The following TCF12 variants were observed in gnomAD, a reference collection of about 807,000 sequenced individuals.
TCF12 encodes DNA-binding protein HTF4.
Under a neutral mutation model 86.0 loss-of-function variants are expected in TCF12, and 45 were observed. The observed-to-expected ratio is 0.52, with a 90% CI of 0.41 to 0.67. The LOEUF (loss-of-function observed/expected upper bound fraction) is 0.67. TCF12 is among the 30% of genes least tolerant of loss of function. TCF12 has a pLI of 0.00. For synonymous variants in TCF12, 330 were observed against 299.6 expected (o/e 1.10, Z -1.05); for missense variants, 881 against 859.9 (o/e 1.02, Z -0.31).
At chr15:57,173,807 G>A (rs1416301006) in intron 6 of TCF12, among the ~76,000 whole-genome samples, 4 of 151,300 alleles carry the variant, frequency 2.6e-5, no homozygotes, top group East Asian at 1.9e-4. Flanking sequence ...TCCCAGGTTC[G>A]AGTGATTCTC....
intron 3 of TCF12, among the ~76,000 whole-genome samples, chr15:56,973,169 G>T (rs1287333148): frequency 2.0e-5 from 3 of 151,904 alleles, no homozygotes; most frequent in Non-Finnish European, 2.9e-5. Context: ...TTTCCCTCCC[G>T]CCTCCCTCCC....
At chr15:56,940,967 A>T (rs1403189993) in intron 3 of TCF12, among the ~76,000 whole-genome samples, 3 of 142,444 alleles carry the variant, frequency 2.1e-5, no homozygotes, top group Admixed American at 1.4e-4. Context: ...CACTATGTTG[A>T]CCAGGCTGGT....
intron 5 of TCF12, among the ~76,000 whole-genome samples, chr15:57,148,805 G>C (rs1421709530): frequency 6.6e-6 from 1 of 151,984 alleles, no homozygotes; most frequent in Admixed American, 6.6e-5. Flanking sequence ...TGAGCCTGGA[G>C]GTAGAGGTTG....
At chr15:57,277,133 C>G (rs1291441290) in intron 19 of TCF12, among the ~76,000 whole-genome samples, 1 of 152,032 alleles carries the variant, frequency 6.6e-6, no homozygotes, top group Non-Finnish European at 1.5e-5. Flanking sequence ...CTATACCTTG[C>G]CAGACAATTA....
intron 5 of TCF12, among the ~76,000 whole-genome samples, chr15:57,121,126 A>G (rs1279415055): frequency 6.6e-6 from 1 of 152,236 alleles, no homozygotes; most frequent in Non-Finnish European, 1.5e-5. Flanking sequence ...TGGAGCTGAC[A>G]TACATTCCAG....
At chr15:57,107,557 T>C (rs1311467949) in intron 5 of TCF12, among the ~76,000 whole-genome samples, 1 of 152,020 alleles carries the variant, frequency 6.6e-6, no homozygotes, top group Non-Finnish European at 1.5e-5. Flanking sequence ...AACCCTAATG[T>C]AAACTATGAA....
chr15:57,073,441 CAATGA>C (rs1330481911), intron 4 of TCF12, among the ~76,000 whole-genome samples: 3 of 152,106 alleles, frequency 2.0e-5, no homozygotes, highest in Non-Finnish European at 4.4e-5. Context: ...AAATTAATAA[CAATGA>C]AATCATAACC....
At chr15:57,218,611 TGTTTA>T (rs142959099) in intron 8 of TCF12, among the ~76,000 whole-genome samples, 2,073 of 152,310 alleles carry the variant, frequency 0.014, 50 homozygotes, top group African/African-American at 0.043. Context: ...TATAGGAAAC[TGTTTA>T]GTTTATTCTC....
At chr15:56,971,893 T>TAGATTAG (rs2062351221) in intron 3 of TCF12, among the ~76,000 whole-genome samples, 1 of 151,834 alleles carries the variant, frequency 6.6e-6, no homozygotes, top group Non-Finnish European at 1.5e-5. Flanking sequence ...TTACCTAGAG[T>TAGATTAG]TGGGTAGCGG....
intron 5 of TCF12, among the ~76,000 whole-genome samples, chr15:57,106,753 G>A (rs1490603926): frequency 6.6e-6 from 1 of 152,074 alleles, no homozygotes; most frequent in African/African-American, 2.4e-5. Flanking sequence ...TTAAGAAATG[G>A]GCAAAAGACC....
intron 19 of TCF12, chr15:57,282,138 G>A (rs149048595): frequency 2.6e-6 from 1 of 384,582 alleles, no homozygotes; most frequent in Non-Finnish European, 4.8e-6. Flanking sequence ...GAAGAGACTT[G>A]GTAGCCTAAT....
Position 57,277,061 on chromosome 15 carries a change from C to T in TCF12, c.1978+3799C>T, listed in dbSNP as rs565682290. Among the ~76,000 whole-genome samples the T allele has an allele frequency of 2.0e-5, 3 of 152,236 alleles. No homozygotes were observed. The East Asian group carries it at 5.8e-4, about 29-fold the overall frequency. Reference sequence around the variant, plus strand: ...CCTCAGGTGATCCGCCTACCTCAGCCTCTCAAAGTGCTGAGATCACAGACG... The same window carrying T: ...CCTCAGGTGATCCGCCTACCTCAGCTTCTCAAAGTGCTGAGATCACAGACG... On this transcript the variant is annotated intron_variant, in intron 19 of 20. Coordinates refer to ENST00000333725, the MANE Select transcript of TCF12 (RefSeq NM_207037.2).
intron 3 of TCF12, among the ~76,000 whole-genome samples, chr15:57,062,570 C>A (rs1332890434): frequency 6.6e-6 from 1 of 152,108 alleles, no homozygotes; most frequent in Admixed American, 6.5e-5. Context: ...ACTGACCCCT[C>A]CCCCTTCCCT....
At chr15:56,940,791 T>C (rs1342470709) in intron 3 of TCF12, among the ~76,000 whole-genome samples, 3 of 143,420 alleles carry the variant, frequency 2.1e-5, no homozygotes, top group Non-Finnish European at 4.5e-5. Flanking sequence ...GGTCTAACTC[T>C]GTTGCCCAGG....
At chr15:56,919,606 A>C in intron 1 of TCF12, 4 of 222,410 alleles carry the variant, frequency 1.8e-5, no homozygotes, top group East Asian at 8.2e-5. Flanking sequence ...GGGGGCGCCG[A>C]GGAGGTGGCA....
intron 12 of TCF12, among the ~76,000 whole-genome samples, chr15:57,236,762 G>A (rs896964901): frequency 1.3e-5 from 2 of 151,324 alleles, no homozygotes; most frequent in Non-Finnish European, 2.9e-5. Context: ...TCTCAGGATA[G>A]CAAGAAAGAG....
At chr15:56,931,987 A>G (rs12442839) in intron 3 of TCF12, among the ~76,000 whole-genome samples, 6,142 of 152,288 alleles carry the variant, frequency 0.04, 374 homozygotes, top group Admixed American at 0.17. Context: ...CTGCAGGAAC[A>G]CAAAACATGC....
chr15:57,053,048 A>G (rs969789179), intron 3 of TCF12, among the ~76,000 whole-genome samples: 2 of 152,134 alleles, frequency 1.3e-5, no homozygotes, highest in East Asian at 3.9e-4. Context: ...CATCTTCTTA[A>G]TAGCAGCTAT....
chr15:57,276,750 C>G (rs2061414171), intron 19 of TCF12, among the ~76,000 whole-genome samples: 1 of 150,560 alleles, frequency 6.6e-6, no homozygotes, highest in Non-Finnish European at 1.5e-5. Flanking sequence ...GCAGCACCTT[C>G]AAATTTCTGA....
Sources: allele counts gnomAD v4.1 joint callset (sites outside exome capture counted in the v4.1 genomes callset), GRCh38; gene constraint gnomAD v4.1.1; transcripts MANE v1.5; gene names NCBI Gene and HGNC (gene_info 2026-07-23, HGNC 2026-07-21).